The following PCGF5 variants were observed in gnomAD, a reference collection of about 807,000 sequenced individuals.
PCGF5 encodes the protein polycomb group ring finger 5.
In PCGF5, 9 loss-of-function variants were observed where a neutral mutation model predicts 44.3. That is an observed-to-expected ratio of 0.20 (90% CI 0.12 to 0.35). The LOEUF is 0.35. Among genes scored for constraint, PCGF5 ranks in the 10% least tolerant of loss-of-function variants. PCGF5 has a pLI of 1.00. For synonymous variants in PCGF5, 95 were observed against 102.5 expected (o/e 0.93, Z 0.44); for missense variants, 146 against 305.3 (o/e 0.48, Z 3.89).
At chr10:91,256,663 G>A (rs1453009343) in intron 6 of PCGF5, among the ~76,000 whole-genome samples, 1 of 151,974 alleles carries the variant, frequency 6.6e-6, no homozygotes, top group Non-Finnish European at 1.5e-5. Flanking sequence ...ACTATTCAAA[G>A]ACAAAGAGAG....
At chr10:91,268,296 C>CAAAT (rs755065657) in intron 8 of PCGF5, among the ~76,000 whole-genome samples, 6 of 152,128 alleles carry the variant, frequency 3.9e-5, no homozygotes, top group Non-Finnish European at 7.3e-5. Flanking sequence ...TTTTATAAGG[C>CAAAT]AAATAGTTGG....
intron 2 of PCGF5, chr10:91,227,322 C>A (rs1201676576): frequency 1.1e-6 from 1 of 945,630 alleles, no homozygotes; most frequent in Non-Finnish European, 1.5e-6. Flanking sequence ...TTTTGGCTTA[C>A]GCTTTTCTTC....
chr10:91,223,494 T>C (rs1222566279), intron 2 of PCGF5, among the ~76,000 whole-genome samples: 3 of 152,164 alleles, frequency 2.0e-5, no homozygotes, highest in African/African-American at 7.2e-5. Context: ...TAACAAGCCC[T>C]CCAGGTGATT....
rs192037718 is a variant in PCGF5 at position 91,257,368 on chromosome 10, T to A, written c.475-3958T>A. Among the ~76,000 whole-genome samples, 834 of 152,164 alleles carry A rather than the reference T, an allele frequency of 5.5e-3. 8 individuals carry two copies. Among genetic ancestry groups the A allele is most frequent in the African/African-American group, 0.019 (803 of 41,510 alleles). Reference sequence around the variant, plus strand: ...TACGTTGCTAGTGGGAAGGTGAAAGTGCAGCTACTGTGGAAAACACTTTAG... The same window carrying A: ...TACGTTGCTAGTGGGAAGGTGAAAGAGCAGCTACTGTGGAAAACACTTTAG... On this transcript the variant is annotated intron_variant, in intron 6 of 9. Coordinates refer to ENST00000336126, the MANE Select transcript of PCGF5 (RefSeq NM_032373.5).
At chr10:91,218,329 T>C (rs547322331), upstream of PCGF5, among the ~76,000 whole-genome samples, 87 of 152,284 alleles carry the variant, frequency 5.7e-4, 1 homozygote, top group South Asian at 8.3e-3. Flanking sequence ...CCTTTTTTTT[T>C]CCCCTGGTCC....
At chr10:91,242,490 G>A (rs2133353133) in intron 3 of PCGF5, among the ~76,000 whole-genome samples, 1 of 152,158 alleles carries the variant, frequency 6.6e-6, no homozygotes, top group South Asian at 2.1e-4. Flanking sequence ...CACATCATAA[G>A]GCAATTTATC....
At position 91,261,430 on chromosome 10, in the gene PCGF5, TTAAA is replaced by T; in HGVS notation, c.573+10_573+13del. ...AACTTCCAAGTTCTTATGAGGTAAG[TTAAA>T]TAATATCTAAGCTTGATCATTTTGA... On this transcript the variant is annotated splice_region_variant and intron_variant, in intron 7 of 9. Transcript: ENST00000336126. The T allele has an allele frequency of 6.9e-7, 1 of 1,440,714 alleles. No individual in the cohort carries two copies. The highest frequency in any genetic ancestry group is 9.3e-7 in the Non-Finnish European group (1 of 1,079,290). The allele number at this position is 1,440,714 out of a possible 1,614,324, so 89.2% of individuals were successfully genotyped here. A position where few individuals can be genotyped will look rare whatever the true frequency, so the allele number is the denominator to read the frequency against.
intron 9 of PCGF5, 135 bp downstream of exon 9, chr10:91,271,832 T>C: frequency 1.6e-6 from 1 of 640,798 alleles, no homozygotes; most frequent in East Asian, 2.8e-5. Context: ...TCTTTTCAAC[T>C]TATATACCCA....
intron 5 of PCGF5, among the ~76,000 whole-genome samples, 195 bp from the exon 6 acceptor site, chr10:91,251,097 A>ATT (rs34772046): frequency 6.5e-5 from 9 of 138,672 alleles, no homozygotes; most frequent in East Asian, 2.1e-4. Flanking sequence ...TAAGTTTCCA[A>ATT]TTTTTTTTTT....
At chr10:91,244,787 C>CT (rs1221604205) in intron 3 of PCGF5, among the ~76,000 whole-genome samples, 3 of 152,098 alleles carry the variant, frequency 2.0e-5, no homozygotes, top group Non-Finnish European at 2.9e-5. Flanking sequence ...TTGAACATGA[C>CT]TTTAAGATTT....
At chr10:91,260,505 G>A (rs898008785) in intron 6 of PCGF5, among the ~76,000 whole-genome samples, 2 of 152,054 alleles carry the variant, frequency 1.3e-5, no homozygotes, top group East Asian at 1.9e-4. Flanking sequence ...AAAGACACAT[G>A]CACACATATG....
intron 1 of PCGF5, among the ~76,000 whole-genome samples, chr10:91,191,933 T>C (rs1311375677): frequency 6.6e-6 from 1 of 152,256 alleles, no homozygotes; most frequent in African/African-American, 2.4e-5. Context: ...TCTCCTGTAG[T>C]AATCTTTATC....
chr10:91,168,929 G>GAAAAAA (rs57345364), intron 1 of PCGF5, among the ~76,000 whole-genome samples: 1 of 56,164 alleles, frequency 1.8e-5, no homozygotes, highest in African/African-American at 7.2e-5. Context: ...CTCCGTCTCA[G>GAAAAAA]AAAAAAAAAA....
intron 1 of PCGF5, among the ~76,000 whole-genome samples, chr10:91,203,236 T>C (rs72815404): frequency 0.035 from 5,281 of 152,288 alleles, 142 homozygotes; most frequent in Non-Finnish European, 0.058. Flanking sequence ...TTAGGAAAAT[T>C]ATCCAACATT....
intron 2 of PCGF5, among the ~76,000 whole-genome samples, chr10:91,232,712 G>A (rs1845044778): frequency 1.3e-5 from 2 of 152,182 alleles, no homozygotes; most frequent in Non-Finnish European, 2.9e-5. Context: ...AGGTGAATAG[G>A]TGTGGTGGTA....
At chr10:91,229,398 AATAATAGGAAGGATCAATCT>A (rs1320252661) in intron 2 of PCGF5, among the ~76,000 whole-genome samples, 4 of 152,198 alleles carry the variant, frequency 2.6e-5, no homozygotes, top group Non-Finnish European at 5.9e-5. Flanking sequence ...CAGGGACTAA[AATAATAGGAAGGATCAATCT>A]ATGAAAAGGT....
intron 7 of PCGF5, among the ~76,000 whole-genome samples, chr10:91,262,625 G>C (rs1032369175): frequency 6.6e-6 from 1 of 152,112 alleles, no homozygotes; most frequent in East Asian, 1.9e-4. Flanking sequence ...CTGATCCTGA[G>C]CTTATTTGAA....
chr10:91,203,896 T>C (rs563062840), intron 1 of PCGF5, among the ~76,000 whole-genome samples: 89 of 152,316 alleles, frequency 5.8e-4, no homozygotes, highest in Middle Eastern at 6.8e-3. Flanking sequence ...AACCTAATGA[T>C]TTCAGTCAGG....
chr10:91,163,103 C>T, intron 1 of PCGF5: 1 of 149,670 alleles, frequency 6.7e-6, no homozygotes, highest in Non-Finnish European at 1.5e-5. Flanking sequence ...GCGCGGGGAC[C>T]CAGGCGGCTT....
Sources: allele counts gnomAD v4.1 joint callset (sites outside exome capture counted in the v4.1 genomes callset), GRCh38; gene constraint gnomAD v4.1.1; transcripts MANE v1.5; gene names NCBI Gene and HGNC (gene_info 2026-07-23, HGNC 2026-07-21).